SLC4A10: variants seen among roughly 807,000 people sequenced by gnomAD.
SLC4A10 encodes solute carrier family 4 member 10, also known as sodium-driven chloride bicarbonate exchanger.
Under a neutral mutation model 137.7 loss-of-function variants are expected in SLC4A10, and 42 were observed. The observed-to-expected ratio is 0.30, with a 90% CI of 0.24 to 0.39. The LOEUF (loss-of-function observed/expected upper bound fraction) is 0.39. Ranked by LOEUF, SLC4A10 falls within the 10% of genes least tolerant of loss-of-function variation. The probability of loss-of-function intolerance (pLI) is 1.00; values close to 1 mark genes in which losing one functional copy is unlikely to be tolerated. For missense variants in SLC4A10, 925 were observed against 1,355.0 expected, an observed-to-expected ratio of 0.68 and a Z score of 4.98; for synonymous variants, 474 against 464.1, an observed-to-expected ratio of 1.02 and a Z score of -0.27.
At chr2:161,851,975 G>A (rs1187542147) in intron 4 of SLC4A10, among the ~76,000 whole-genome samples, 2 of 152,058 alleles carry the variant, frequency 1.3e-5, no homozygotes, top group African/African-American at 2.4e-5. Flanking sequence ...CTCCAGCCTC[G>A]ATCTCCTGGG....
At chr2:161,951,969 A>C (rs1694881201) in intron 19 of SLC4A10, among the ~76,000 whole-genome samples, 1 of 152,162 alleles carries the variant, frequency 6.6e-6, no homozygotes, top group Non-Finnish European at 1.5e-5. Flanking sequence ...GAATTCTCAC[A>C]ACTTTATGTA....
chr2:161,983,924 T>G lies in SLC4A10; in HGVS notation c.*772T>G, dbSNP rs1401502731. ...AAATACTAGGCTTGTACGAAATGCTTTAGAAAAACTTTGTAACAGTTTTGT... is the reference window on the plus strand; with the variant it reads ...AAATACTAGGCTTGTACGAAATGCTGTAGAAAAACTTTGTAACAGTTTTGT... On this transcript the variant is annotated 3_prime_UTR_variant, in exon 27 of 27. Coordinates refer to ENST00000446997, the MANE Select transcript of SLC4A10 (RefSeq NM_001178015.2). 1 of 152,228 alleles carries G rather than the reference T, an allele frequency of 6.6e-6. No individual in the cohort carries two copies. Among genetic ancestry groups the G allele is most frequent in the Non-Finnish European group, 1.5e-5 (1 of 68,026 alleles). 9.4% of individuals were successfully genotyped at this position (152,228 alleles called of 1,614,324 possible). A position where few individuals can be genotyped will look rare whatever the true frequency, so the allele number is the denominator to read the frequency against.
intron 1 of SLC4A10, among the ~76,000 whole-genome samples, chr2:161,723,113 G>A (rs1176051920): frequency 3.9e-5 from 6 of 152,140 alleles, no homozygotes; most frequent in Admixed American, 3.3e-4. Flanking sequence ...CCTGCTGCCC[G>A]TGGTCACAAC....
At chr2:161,977,967 T>A (rs1056111575) in intron 26 of SLC4A10, among the ~76,000 whole-genome samples, 13 of 152,230 alleles carry the variant, frequency 8.5e-5, no homozygotes, top group African/African-American at 3.1e-4. Context: ...GAAACTTGAA[T>A]AAACTTTATT....
At chr2:161,634,911 C>G (rs59166119) in intron 1 of SLC4A10, among the ~76,000 whole-genome samples, 92 of 152,088 alleles carry the variant, frequency 6.0e-4, no homozygotes, top group African/African-American at 1.8e-3. Context: ...TTCTCTACTT[C>G]TACAGAAACA....
intron 3 of SLC4A10, among the ~76,000 whole-genome samples, chr2:161,805,748 C>T (rs542840260): frequency 6.6e-6 from 1 of 152,222 alleles, no homozygotes; most frequent in Non-Finnish European, 1.5e-5. Context: ...ATATAGCCCA[C>T]CTCCTGGCTG....
intron 12 of SLC4A10, among the ~76,000 whole-genome samples, chr2:161,902,801 A>T (rs1237435123): frequency 1.3e-5 from 2 of 152,190 alleles, no homozygotes; most frequent in East Asian, 3.8e-4. Context: ...AATTCTAAGG[A>T]GAATTTATTT....
intron 15 of SLC4A10, among the ~76,000 whole-genome samples, chr2:161,919,351 C>T (rs62188846): frequency 0.067 from 10,194 of 152,168 alleles, 445 homozygotes; most frequent in East Asian, 0.13. Flanking sequence ...AAGCCAGGGA[C>T]AGCCTGAAGC....
intron 3 of SLC4A10, among the ~76,000 whole-genome samples, chr2:161,818,017 A>T (rs1197072766): frequency 6.6e-6 from 1 of 152,124 alleles, no homozygotes; most frequent in East Asian, 1.9e-4. Context: ...TTCTGTGAAG[A>T]AAGTCATTGG....
chr2:161,973,489 C>T (rs1698903778), intron 23 of SLC4A10, among the ~76,000 whole-genome samples: 1 of 152,104 alleles, frequency 6.6e-6, no homozygotes. Flanking sequence ...ATCATTTCCA[C>T]CCTTTGAGGA....
At chr2:161,649,641 TGGA>T (rs1308861153) in intron 1 of SLC4A10, among the ~76,000 whole-genome samples, 4 of 152,172 alleles carry the variant, frequency 2.6e-5, no homozygotes, top group Admixed American at 6.5e-5. Flanking sequence ...TGTTTATTTG[TGGA>T]GTTTTTCTAT....
chr2:161,850,620 C>T (rs1391815606), intron 4 of SLC4A10, among the ~76,000 whole-genome samples: 1 of 151,986 alleles, frequency 6.6e-6, no homozygotes, highest in Non-Finnish European at 1.5e-5. Flanking sequence ...ATTAGTATAG[C>T]TAATAGTATA....
intron 1 of SLC4A10, among the ~76,000 whole-genome samples, chr2:161,706,229 A>G (rs2043647598): frequency 6.6e-6 from 1 of 151,632 alleles, no homozygotes; most frequent in Admixed American, 6.6e-5. Context: ...GGGATTATAT[A>G]TACTAATTAA....
chr2:161,741,483 T>A (rs2047891844), intron 1 of SLC4A10, among the ~76,000 whole-genome samples: 1 of 152,150 alleles, frequency 6.6e-6, no homozygotes, highest in Admixed American at 6.5e-5. Context: ...ATCTCCCCAC[T>A]TCTTCCTGCC....
At chr2:161,708,574 G>T in intron 1 of SLC4A10, 1 of 1,029,914 alleles carries the variant, frequency 9.7e-7, no homozygotes, top group Non-Finnish European at 1.3e-6. Context: ...GTCTCTCTTA[G>T]TATGGGGTGT....
At chr2:161,699,989 A>C (rs2042961671) in intron 1 of SLC4A10, among the ~76,000 whole-genome samples, 1 of 152,234 alleles carries the variant, frequency 6.6e-6, no homozygotes, top group African/African-American at 2.4e-5. Flanking sequence ...AGGTCCACAG[A>C]AATTTTGTAA....
chr2:161,878,440 C>T (rs2061563916), intron 8 of SLC4A10, among the ~76,000 whole-genome samples: 1 of 152,104 alleles, frequency 6.6e-6, no homozygotes, highest in Non-Finnish European at 1.5e-5. Flanking sequence ...CATTTCTTCT[C>T]GTTAATGATC....
At chr2:161,840,552 C>T (rs1381777231) in intron 4 of SLC4A10, among the ~76,000 whole-genome samples, 1 of 152,138 alleles carries the variant, frequency 6.6e-6, no homozygotes, top group Non-Finnish European at 1.5e-5. Flanking sequence ...CTGATTTGCT[C>T]AGTTAACAAA....
At position 161,900,950 on chromosome 2, in the gene SLC4A10, G is replaced by T; in HGVS notation, c.1381G>T (p.Ala461Ser). The change falls in exon 12 of 27, where the codon GCT becomes TCT. Residue 461 changes from alanine (A) to serine (S), a missense_variant. This residue lies in a region of SLC4A10 where 61 missense variants were observed against 59.0 expected (regional missense o/e 1.03). Coordinates refer to ENST00000446997, the MANE Select transcript of SLC4A10 (RefSeq NM_001178015.2). Reference sequence around the variant, plus strand: ...TCCTGCTGTACCAAATGGAACAGCAGCTCATGGGGAAGCAGAGCCCCACGG... The same window carrying T: ...TCCTGCTGTACCAAATGGAACAGCATCTCATGGGGAAGCAGAGCCCCACGG... ...KIPAVPNGTA[A>S]HGEAEPHGGH... 1 of 1,567,310 alleles carries T rather than the reference G, an allele frequency of 6.4e-7. No individual in the cohort carries two copies. The highest frequency in any genetic ancestry group is 8.7e-7 in the Non-Finnish European group (1 of 1,155,400).
Sources: allele counts gnomAD v4.1 joint callset (sites outside exome capture counted in the v4.1 genomes callset), GRCh38; gene constraint gnomAD v4.1.1; regional missense constraint gnomAD v4.1.1; transcripts MANE v1.5; gene names NCBI Gene and HGNC (gene_info 2026-07-23, HGNC 2026-07-21).